Variants in GTF2A1L observed in about 807,000 individuals in gnomAD.
The protein encoded by GTF2A1L is TFIIA-alpha and beta-like factor.
GTF2A1L carries 48 observed loss-of-function variants against 49.7 expected under a neutral mutation model. The observed-to-expected ratio is 0.97, with a 90% CI of 0.77 to 1.23. The LOEUF is 1.23. Among genes scored for constraint, GTF2A1L ranks in the 50% most tolerant of loss-of-function variants. The pLI is 0.00. For synonymous variants in GTF2A1L, 246 were observed against 193.5 expected (o/e 1.27, Z -2.25); for missense variants, 736 against 564.8 (o/e 1.30, Z -3.07).
intron 4 of GTF2A1L, among the ~76,000 whole-genome samples, chr2:48,643,707 T>A (rs1398297111): frequency 9.1e-6 from 1 of 110,164 alleles, no homozygotes; most frequent in Non-Finnish European, 1.9e-5. Flanking sequence ...TTTTTTTTTT[T>A]TTTTTTTTTG....
intron 6 of GTF2A1L, among the ~76,000 whole-genome samples, chr2:48,650,838 A>G (rs1677802500): frequency 6.6e-6 from 1 of 152,208 alleles, no homozygotes; most frequent in Non-Finnish European, 1.5e-5. Flanking sequence ...AATAAATTAA[A>G]TTCCTGTTAA....
chr2:48,671,613 ATGT>A lies in GTF2A1L; in HGVS notation c.1264_1266del (p.Val422del). 2 of 1,613,438 alleles carry A rather than the reference ATGT, an allele frequency of 1.2e-6. No homozygotes were observed. The highest frequency in any genetic ancestry group is 2.2e-5 in the South Asian group (2 of 90,848). On this transcript the variant is annotated inframe_deletion, in exon 8 of 9. Transcript: ENST00000403751. ...TAGGACCCTTTAAATTCTGGAGATG[ATGT>A]TAGTGAACAGGATGTGCCAGACCTG...
chr2:48,633,812 G>A (rs71407516), intron 3 of GTF2A1L, among the ~76,000 whole-genome samples: 3,966 of 152,282 alleles, frequency 0.026, 86 homozygotes, highest in Non-Finnish European at 0.038. Context: ...AATTCTGGGT[G>A]CTCCAATTTT....
intron 6 of GTF2A1L, among the ~76,000 whole-genome samples, chr2:48,650,654 A>T (rs1677795156): frequency 1.3e-5 from 2 of 152,212 alleles, no homozygotes; most frequent in Admixed American, 1.3e-4. Flanking sequence ...AGAGATGTTT[A>T]AACCAGATAT....
chr2:48,674,985 A>G (rs1408953453), intron 8 of GTF2A1L, among the ~76,000 whole-genome samples: 1 of 152,180 alleles, frequency 6.6e-6, no homozygotes, highest in Non-Finnish European at 1.5e-5. Context: ...GTCAGAAGAT[A>G]GCCAAAAGAA....
rs1157288656 is a variant in GTF2A1L at position 48,646,947 on chromosome 2, C to G, written c.883C>G (p.Gln295Glu). The G allele has an allele frequency of 1.2e-6, 2 of 1,614,030 alleles. No homozygotes were observed. The highest frequency in any genetic ancestry group is 2.7e-5 in the African/African-American group (2 of 74,900). ...GALHQHVTDIQLHILKNRMYG... is the reference protein window; with the variant it reads ...GALHQHVTDIELHILKNRMYG... ...TCTCCACCAGCACGTGACTGATATT[C>G]AGCTTCATATTCTTAAAAATAGGAT... The change falls in exon 6 of 9, where the codon CAG becomes GAG. Residue 295 changes from glutamine to glutamate, a missense_variant. Coordinates refer to ENST00000403751, the MANE Select transcript of GTF2A1L (RefSeq NM_006872.5).
At position 48,646,611 on chromosome 2, in the gene GTF2A1L, A is replaced by G. The variant is rs139834804; in HGVS notation, c.547A>G (p.Thr183Ala). ...ATTGAATCCATGGTCTCTTCAAGCA[A>G]CTACTGAAAAATCACAGAGAATTGA... Reference protein sequence around the residue: ...PQLNPWSLQATTEKSQRIETV... With the variant: ...PQLNPWSLQAATEKSQRIETV... Residue 183 changes from threonine to alanine, a missense_variant, in exon 6 of 9, where the codon ACT becomes GCT. Coordinates refer to ENST00000403751, the MANE Select transcript of GTF2A1L (RefSeq NM_006872.5). The G allele has an allele frequency of 6.3e-5, 101 of 1,614,076 alleles. No homozygotes were observed. The African/African-American group carries it at 1.2e-3, about 19-fold the overall frequency.
At chr2:48,646,360 C>G in intron 5 of GTF2A1L, 93 bp from the exon 6 acceptor site, 1 of 1,217,050 alleles carries the variant, frequency 8.2e-7, no homozygotes, top group Non-Finnish European at 1.1e-6. Context: ...TTTTTCCAGC[C>G]TTTGTGGATG....
At chr2:48,646,256 TAAG>T (rs1031270130) in intron 5 of GTF2A1L, among the ~76,000 whole-genome samples, 194 bp from the exon 6 acceptor site, 2 of 151,702 alleles carry the variant, frequency 1.3e-5, no homozygotes, top group African/African-American at 2.4e-5. Flanking sequence ...ATTAAAAAAA[TAAG>T]AATTTATATA....
At chr2:48,660,356 C>T (rs1033986276) in intron 6 of GTF2A1L, among the ~76,000 whole-genome samples, 10 of 152,066 alleles carry the variant, frequency 6.6e-5, no homozygotes, top group East Asian at 3.9e-4. Context: ...GATTGGTATT[C>T]ATCTTTAAAT....
intron 6 of GTF2A1L, among the ~76,000 whole-genome samples, chr2:48,654,374 G>A (rs1553378129): frequency 6.6e-6 from 1 of 151,918 alleles, no homozygotes; most frequent in Non-Finnish European, 1.5e-5. Flanking sequence ...GGCTAGTTTT[G>A]TATATGGTGC....
intron 3 of GTF2A1L, among the ~76,000 whole-genome samples, chr2:48,628,358 C>G (rs897564051): frequency 6.9e-6 from 1 of 144,246 alleles, no homozygotes; most frequent in Non-Finnish European, 1.6e-5. Flanking sequence ...TACAAGTGTT[C>G]TTTTTTCTCT....
intron 3 of GTF2A1L, among the ~76,000 whole-genome samples, chr2:48,623,932 T>G (rs1676154638): frequency 1.3e-5 from 2 of 152,058 alleles, no homozygotes; most frequent in African/African-American, 4.8e-5. Flanking sequence ...GGGGCAAGGG[T>G]TGAAAAACTA....
chr2:48,617,941 C>G lies in GTF2A1L; in HGVS notation c.21+46C>G, dbSNP rs1436533058. ...TGTGTAGAGGGAGCGCCCTGGGACT[C>G]CGGGTTCACGGCAGCCGAACCCTGC... On this transcript the variant is annotated intron_variant, in intron 1 of 8. Transcript: ENST00000403751. 10 of 1,545,574 alleles carry G rather than the reference C, an allele frequency of 6.5e-6. No individual in the cohort carries two copies. The African/African-American group carries it at 1.2e-4, about 19-fold the overall frequency.
At chr2:48,634,670 G>T (rs1676783719) in intron 3 of GTF2A1L, among the ~76,000 whole-genome samples, 2 of 152,176 alleles carry the variant, frequency 1.3e-5, no homozygotes, top group African/African-American at 4.8e-5. Flanking sequence ...ACTTGGCAGG[G>T]TATGAAATTC....
rs548278268 is a variant in GTF2A1L, at chr2:48,625,916, G to A, written c.247+4626G>A. On this transcript the variant is annotated intron_variant, in intron 3 of 8. Coordinates refer to ENST00000403751, the MANE Select transcript of GTF2A1L (RefSeq NM_006872.5). ...TTCGCTTTTGTAGCCCGAGCTTTTG[G>A]TGTGATATCCAAAAAATCATTGCCA... is the stretch of plus-strand genomic sequence containing the variant. Among the ~76,000 whole-genome samples, 6 of 143,982 alleles carry A rather than the reference G, an allele frequency of 4.2e-5. 2 individuals carry two copies. The highest frequency in any genetic ancestry group is 1.2e-4 in the African/African-American group (5 of 40,490). 94.5% of individuals were successfully genotyped at this position (143,982 alleles called of 152,430 possible).
chr2:48,652,483 G>A (rs1474910730), intron 6 of GTF2A1L, among the ~76,000 whole-genome samples: 5 of 151,262 alleles, frequency 3.3e-5, no homozygotes, highest in Admixed American at 3.3e-4. Flanking sequence ...GAGTGTGGTG[G>A]CAGGCACCTG....
At chr2:48,657,225 A>G (rs528157898) in intron 6 of GTF2A1L, among the ~76,000 whole-genome samples, 1 of 152,156 alleles carries the variant, frequency 6.6e-6, no homozygotes, top group Admixed American at 6.5e-5. Flanking sequence ...ATAGTACCCA[A>G]AACAGTTCTT....
chr2:48,621,266 C>G lies in GTF2A1L; in HGVS notation c.223C>G (p.His75Asp). ...LFTLQLPHSL[H>D]QTLQSSTASL... is the part of the protein sequence containing the mutation. ...TACTCTTCAGTTGCCGCACAGCTTG[C>G]ACCAAACATTGCAATCGTCAACAGG... Residue 75 changes from histidine (H) to aspartate (D), a missense_variant, in exon 3 of 9, where the codon CAC (histidine) becomes GAC (aspartate). Physicochemically the swap from His to Asp is moderately conservative, Grantham distance 81 (BLOSUM62 -1). Transcript: ENST00000403751. 2 of 1,614,088 alleles carry G rather than the reference C, an allele frequency of 1.2e-6. No homozygotes were observed. Among genetic ancestry groups the G allele is most frequent in the Non-Finnish European group, 1.7e-6 (2 of 1,180,024 alleles).
Sources: allele counts gnomAD v4.1 joint callset (sites outside exome capture counted in the v4.1 genomes callset), GRCh38; gene constraint gnomAD v4.1.1; transcripts MANE v1.5; gene names NCBI Gene and HGNC (gene_info 2026-07-23, HGNC 2026-07-21).